NMRK1: variants seen among roughly 807,000 people sequenced by gnomAD.
NMRK1 encodes the protein nicotinamide riboside kinase 1.
NMRK1 carries 28 observed loss-of-function variants against 29.9 expected under a neutral mutation model. The observed-to-expected ratio is 0.94, with a 90% confidence interval of 0.69 to 1.28. NMRK1 has a LOEUF of 1.28. NMRK1 is among the 50% of genes most tolerant of loss of function. The pLI is 0.00. For missense variants in NMRK1, 218 were observed against 233.1 expected (o/e 0.94, Z 0.42); for synonymous variants, 58 against 73.0 (o/e 0.79, Z 1.05).
intron 8 of NMRK1, chr9:75,066,186 A>G (rs9722476): frequency 0.15 from 73,648 of 477,180 alleles, 6,453 homozygotes; most frequent in Non-Finnish European, 0.18. Context: ...CTAGGCATAA[A>G]TGAGTTAATC....
intron 1 of NMRK1, among the ~76,000 whole-genome samples, chr9:75,084,029 T>C (rs1038255926): frequency 6.6e-6 from 1 of 152,226 alleles, no homozygotes; most frequent in Non-Finnish European, 1.5e-5. Context: ...CACCGGCCAC[T>C]GTTTTGTGGA....
At chr9:75,081,250 T>C (rs1824305014) in intron 2 of NMRK1, among the ~76,000 whole-genome samples, 1 of 152,198 alleles carries the variant, frequency 6.6e-6, no homozygotes, top group Non-Finnish European at 1.5e-5. Context: ...AAAAGTCGCC[T>C]TAACTGAATC....
intron 2 of NMRK1, chr9:75,082,723 C>G: frequency 4.2e-6 from 1 of 237,184 alleles, no homozygotes; most frequent in Non-Finnish European, 8.2e-6. Flanking sequence ...AAGCTGGGCA[C>G]AGCTGGAAAG....
At chr9:75,087,790 A>AT (rs892748552) in intron 1 of NMRK1, 1 of 151,802 alleles carries the variant, frequency 6.6e-6, no homozygotes, top group Non-Finnish European at 1.5e-5. Context: ...CAGCGTTCCC[A>AT]TTTTCAGGAT....
intron 8 of NMRK1, among the ~76,000 whole-genome samples, chr9:75,064,538 C>T (rs937819774): frequency 6.6e-6 from 1 of 152,128 alleles, no homozygotes; most frequent in Non-Finnish European, 1.5e-5. Flanking sequence ...AGTGGGCGGG[C>T]ATATCTGGCA....
chr9:75,083,843 A>G (rs557613875), intron 1 of NMRK1, among the ~76,000 whole-genome samples: 3 of 152,216 alleles, frequency 2.0e-5, no homozygotes, highest in African/African-American at 7.2e-5. Context: ...ACAAGAGAAA[A>G]AACATTTTCA....
At chr9:75,083,234 C>A in intron 1 of NMRK1, 84 bp from the exon 2 acceptor site, 1 of 727,660 alleles carries the variant, frequency 1.4e-6, no homozygotes, top group Admixed American at 2.1e-5. Flanking sequence ...ATTAGGAGCA[C>A]CAGCTGAGAG....
At chr9:75,083,507 G>A (rs547009441) in intron 1 of NMRK1, among the ~76,000 whole-genome samples, 9 of 152,310 alleles carry the variant, frequency 5.9e-5, no homozygotes, top group African/African-American at 1.9e-4. Flanking sequence ...CAGTCGCCTG[G>A]GTATGACTCA....
At chr9:75,063,864 G>GAAAT (rs1183858984) in intron 8 of NMRK1, among the ~76,000 whole-genome samples, 2 of 152,156 alleles carry the variant, frequency 1.3e-5, no homozygotes, top group Non-Finnish European at 1.5e-5. Context: ...TAGGTTACTA[G>GAAAT]AAATAAAACA....
chr9:75,063,157 T>G (rs1823127796), intron 8 of NMRK1, among the ~76,000 whole-genome samples: 1 of 151,530 alleles, frequency 6.6e-6, no homozygotes, highest in Non-Finnish European at 1.5e-5. Flanking sequence ...ATATAAAAAA[T>G]TAGCCAGGTG....
chr9:75,066,338 GT>G (rs1366932911), intron 8 of NMRK1: 8 of 489,642 alleles, frequency 1.6e-5, no homozygotes, highest in Admixed American at 1.3e-4. Context: ...AAAATCTTTT[GT>G]TTATCTTTGA....
At chr9:75,084,563 C>A (rs547067827) in intron 1 of NMRK1, among the ~76,000 whole-genome samples, 1 of 152,176 alleles carries the variant, frequency 6.6e-6, no homozygotes, top group Non-Finnish European at 1.5e-5. Flanking sequence ...CCAAGGCAGG[C>A]GGATTGCTTG....
At chr9:75,064,382 T>A (rs1823217980) in intron 8 of NMRK1, among the ~76,000 whole-genome samples, 1 of 152,060 alleles carries the variant, frequency 6.6e-6, no homozygotes. Flanking sequence ...AGCCAATAAC[T>A]CTCAGAGAAG....
chr9:75,066,932 A>T, intron 7 of NMRK1, 92 bp from the exon 8 acceptor site: 1 of 743,206 alleles, frequency 1.3e-6, no homozygotes, highest in Non-Finnish European at 2.3e-6. Context: ...GTAAATGCCA[A>T]TAGGTTTAAC....
chr9:75,082,268 C>A (rs886665582), intron 2 of NMRK1, among the ~76,000 whole-genome samples: 1 of 152,136 alleles, frequency 6.6e-6, no homozygotes, highest in Non-Finnish European at 1.5e-5. Context: ...AAGAGAAGTA[C>A]TGCAGAGAAA....
intron 1 of NMRK1, among the ~76,000 whole-genome samples, chr9:75,083,495 T>C (rs935696696): frequency 2.0e-5 from 3 of 152,196 alleles, no homozygotes; most frequent in African/African-American, 7.2e-5. Context: ...ACCTTCACGA[T>C]TCAGTCGCCT....
rs150798193 is a variant in NMRK1 at position 75,072,244 on chromosome 9, C to T, written c.170-2202G>A. Among the ~76,000 whole-genome samples the T allele has an allele frequency of 1.5e-4, 23 of 152,238 alleles. No homozygotes were observed. In the East Asian group the frequency reaches 3.9e-3, roughly 26 times the overall value. ...GATCCCATAGCCATGTCATTCCTCCCGTCCTGGAATCTTTAGCCAGCATGC... is the reference window on the plus strand; with the variant it reads ...GATCCCATAGCCATGTCATTCCTCCTGTCCTGGAATCTTTAGCCAGCATGC... On this transcript the variant is annotated intron_variant, in intron 4 of 8. Transcript: ENST00000361092.
chr9:75,063,081 C>T (rs1056935766), intron 8 of NMRK1, among the ~76,000 whole-genome samples: 3 of 151,018 alleles, frequency 2.0e-5, no homozygotes, highest in South Asian at 2.1e-4. Flanking sequence ...GAGGCCGAGG[C>T]GGGCGGAGGT....
At chr9:75,076,749 C>T (rs1824011638) in intron 4 of NMRK1, among the ~76,000 whole-genome samples, 1 of 152,076 alleles carries the variant, frequency 6.6e-6, no homozygotes, top group Non-Finnish European at 1.5e-5. Context: ...ACCACCACAC[C>T]TGGCTAATTT....
Sources: allele counts gnomAD v4.1 joint callset (sites outside exome capture counted in the v4.1 genomes callset), GRCh38; gene constraint gnomAD v4.1.1; transcripts MANE v1.5; gene names NCBI Gene and HGNC (gene_info 2026-07-23, HGNC 2026-07-21).